The following SLC8A3 variants were observed in gnomAD, a reference collection of about 807,000 sequenced individuals.
SLC8A3 encodes the protein sodium/calcium exchanger 3.
A neutral mutation model predicts 65.4 loss-of-function variants in SLC8A3; 37 were observed. The ratio of observed to expected loss-of-function variants is 0.57; its 90% confidence interval spans 0.44 to 0.74. The LOEUF (loss-of-function observed/expected upper bound fraction) is 0.74, where lower values mean the gene tolerates loss of function less well. SLC8A3 is among the 30% of genes least tolerant of loss of function. The pLI, the probability that SLC8A3 is intolerant of heterozygous loss-of-function variation, is 0.00. For synonymous variants in SLC8A3, 461 were observed against 444.5 expected, an observed-to-expected ratio of 1.04 and a Z score of -0.47; for missense variants, 1,112 against 1,172.1, an observed-to-expected ratio of 0.95 and a Z score of 0.75.
chr14:70,105,337 A>AAAAAT (rs934669798), intron 2 of SLC8A3, among the ~76,000 whole-genome samples: 1 of 152,172 alleles, frequency 6.6e-6, no homozygotes, highest in African/African-American at 2.4e-5. Context: ...TCAAATAAGA[A>AAAAAT]AAAATAAAAT....
chr14:70,059,228 G>C (rs1006724504), intron 3 of SLC8A3: 2 of 152,290 alleles, frequency 1.3e-5, no homozygotes, highest in Non-Finnish European at 2.9e-5. Flanking sequence ...GTCCCCAGCA[G>C]ACAATGAGAA....
chr14:70,168,085 G>C lies in SLC8A3; in HGVS notation c.338C>G (p.Thr113Arg). 1 of 1,614,062 alleles carries C rather than the reference G, an allele frequency of 6.2e-7. No individual in the cohort carries two copies. ...GGTTTCTCCATTGGGTTTCTTAATTGTCACCTCCCTCTCTTGAGAGGTGAT... is the reference window on the plus strand; with the variant it reads ...GGTTTCTCCATTGGGTTTCTTAATTCTCACCTCCCTCTCTTGAGAGGTGAT... Reference protein sequence around the residue: ...EVITSQEREVTIKKPNGETST... With the variant: ...EVITSQEREVRIKKPNGETST... Residue 113 changes from threonine (T) to arginine (R), a missense_variant, in exon 2 of 7, where the codon ACA (threonine) becomes AGA (arginine). Transcript: ENST00000356921.
At chr14:70,180,454 T>A (rs1476018325) in intron 1 of SLC8A3, among the ~76,000 whole-genome samples, 1 of 152,112 alleles carries the variant, frequency 6.6e-6, no homozygotes, top group Non-Finnish European at 1.5e-5. Context: ...TTCCTCAGAC[T>A]CCCAGCAGAT....
At chr14:70,088,884 A>G (rs1358418018) in intron 2 of SLC8A3, among the ~76,000 whole-genome samples, 2 of 151,770 alleles carry the variant, frequency 1.3e-5, no homozygotes, top group East Asian at 3.9e-4. Flanking sequence ...CTTTTTACCT[A>G]CTTCTACCTC....
At chr14:70,099,569 C>T (rs1399049648) in intron 2 of SLC8A3, among the ~76,000 whole-genome samples, 1 of 152,144 alleles carries the variant, frequency 6.6e-6, no homozygotes, top group Non-Finnish European at 1.5e-5. Context: ...CAGCTTAGCA[C>T]AGTGTTGACC....
chr14:70,165,739 T>C (rs1897128421), intron 2 of SLC8A3, among the ~76,000 whole-genome samples: 1 of 152,162 alleles, frequency 6.6e-6, no homozygotes, highest in Admixed American at 6.5e-5. Context: ...CTTAGGGTAA[T>C]AGAGGTGACA....
rs568143010 is a variant in SLC8A3 at position 70,102,635 on chromosome 14, G to T, written c.1785-41696C>A. 2.0e-5 allele frequency among the ~76,000 whole-genome samples: 3 copies of T among 152,160 alleles called. No individual in the cohort carries two copies. In the South Asian group the frequency reaches 6.2e-4, roughly 32 times the overall value. On this transcript the variant is annotated intron_variant, in intron 2 of 6. Coordinates refer to ENST00000356921, the MANE Select transcript of SLC8A3 (RefSeq NM_182932.3). ...TGAACAGACAAAAAATCTTAGCAGA[G>T]AAATTAATACTATAAATAATAACCT...
At position 70,132,578 on chromosome 14, in the gene SLC8A3, G is replaced by T. The variant is rs545332677; in HGVS notation, c.1784+34061C>A. Among the ~76,000 whole-genome samples the T allele has an allele frequency of 4.6e-5, 7 of 152,288 alleles. No individual in the cohort carries two copies. In the South Asian group the frequency reaches 1.5e-3, roughly 32 times the overall value. The stretch of plus-strand genomic sequence containing the variant: ...CTGCGGTGACCTGCTGCTGTAAGTA[G>T]CTCAGGAGGCAAATGTGGATGAAAC... On this transcript the variant is annotated intron_variant, in intron 2 of 6. Coordinates refer to ENST00000356921, the MANE Select transcript of SLC8A3 (RefSeq NM_182932.3).
rs572530110 is a variant in SLC8A3, at chr14:70,143,082, C to A, written c.1784+23557G>T. Among the ~76,000 whole-genome samples the A allele has an allele frequency of 2.6e-5, 4 of 152,282 alleles. No homozygotes were observed. The South Asian group carries it at 8.3e-4, about 32-fold the overall frequency. On this transcript the variant is annotated intron_variant, in intron 2 of 6. Coordinates refer to ENST00000356921, the MANE Select transcript of SLC8A3 (RefSeq NM_182932.3). ...ATTCTTCTCTCTGTAGCTCGCCCAC[C>A]CCTTAAATGAGCGCTGTTGGAGACA...
chr14:70,166,590 T>C (rs1191948525), intron 2 of SLC8A3, 49 bp downstream of exon 2: 1 of 1,042,216 alleles, frequency 9.6e-7, no homozygotes, highest in Non-Finnish European at 1.4e-6. Context: ...CAGAAAGAGA[T>C]GGCAAAAGAT....
intron 2 of SLC8A3, among the ~76,000 whole-genome samples, chr14:70,082,334 T>C (rs905794844): frequency 2.0e-5 from 3 of 152,304 alleles, no homozygotes; most frequent in Non-Finnish European, 4.4e-5. Flanking sequence ...CAGCACCAGG[T>C]AGGTGAAGGA....
intron 2 of SLC8A3, among the ~76,000 whole-genome samples, chr14:70,139,802 G>T (rs940858334): frequency 9.8e-5 from 15 of 152,306 alleles, no homozygotes; most frequent in African/African-American, 3.6e-4. Flanking sequence ...CTTTGAGAGG[G>T]TCTACAGTGA....
chr14:70,089,212 C>T (rs1451829599), intron 2 of SLC8A3, among the ~76,000 whole-genome samples: 1 of 152,214 alleles, frequency 6.6e-6, no homozygotes, highest in Non-Finnish European at 1.5e-5. Flanking sequence ...CCATCTCAGA[C>T]ACCATCTTCT....
chr14:70,167,401 T>A lies in SLC8A3; in HGVS notation c.1022A>T (p.Tyr341Phe). Residue 341 changes from tyrosine (Y) to phenylalanine (F), a missense_variant, in exon 2 of 7, where the codon TAC (tyrosine) becomes TTC (phenylalanine). Physicochemically the swap from Tyr to Phe is conservative, Grantham distance 22. Coordinates refer to ENST00000356921, the MANE Select transcript of SLC8A3 (RefSeq NM_182932.3). ...DLDQLVEMAN[Y>F]YALSHQQKSR... ...CTTCTGTTGGTGGGAAAGAGCATAG[T>A]AATTGGCCATCTCCACCAGCTGATC... is the stretch of plus-strand genomic sequence containing the variant. 1 of 1,614,172 alleles carries A rather than the reference T, an allele frequency of 6.2e-7. No homozygotes were observed. Among genetic ancestry groups the A allele is most frequent in the Non-Finnish European group, 8.5e-7 (1 of 1,180,028 alleles).
chr14:70,172,156 C>G (rs1276593610), intron 1 of SLC8A3, among the ~76,000 whole-genome samples: 2 of 142,652 alleles, frequency 1.4e-5, no homozygotes, highest in Non-Finnish European at 2.9e-5. Flanking sequence ...TCTTTTCCCC[C>G]ACCCAGGACC....
At chr14:70,151,471 A>G (rs1175615346) in intron 2 of SLC8A3, among the ~76,000 whole-genome samples, 1 of 151,996 alleles carries the variant, frequency 6.6e-6, no homozygotes, top group Non-Finnish European at 1.5e-5. Flanking sequence ...AAAGTTGTTG[A>G]ATGAGCTCTG....
chr14:70,126,123 C>A (rs1413496514), intron 2 of SLC8A3, among the ~76,000 whole-genome samples: 1 of 152,178 alleles, frequency 6.6e-6, no homozygotes, highest in East Asian at 1.9e-4. Context: ...TCATCAGATG[C>A]CCCAGAATTA....
intron 3 of SLC8A3, among the ~76,000 whole-genome samples, chr14:70,053,314 T>TTGAA (rs1185438753): frequency 6.6e-6 from 1 of 152,236 alleles, no homozygotes; most frequent in African/African-American, 2.4e-5. Flanking sequence ...ATTTAGTCTA[T>TTGAA]TGAATTTGAG....
intron 2 of SLC8A3, among the ~76,000 whole-genome samples, chr14:70,116,524 C>G (rs1183348413): frequency 1.3e-5 from 2 of 152,108 alleles, no homozygotes; most frequent in Non-Finnish European, 2.9e-5. Context: ...CAGGCCCAGG[C>G]CTTTAAGGTG....
Sources: allele counts gnomAD v4.1 joint callset (sites outside exome capture counted in the v4.1 genomes callset), GRCh38; gene constraint gnomAD v4.1.1; transcripts MANE v1.5; gene names NCBI Gene and HGNC (gene_info 2026-07-23, HGNC 2026-07-21).